Variants in RAPGEF5 observed in about 807,000 individuals in gnomAD.
The protein encoded by RAPGEF5 is M-Ras-regulated GEF.
RAPGEF5 carries 65 observed loss-of-function variants against 125.2 expected under a neutral mutation model. That is an observed-to-expected ratio of 0.52 (90% CI 0.43 to 0.64). The LOEUF is 0.64. Ranked by LOEUF, RAPGEF5 falls within the 30% of genes least tolerant of loss-of-function variation. RAPGEF5 has a pLI of 0.00. For synonymous variants in RAPGEF5, 391 were observed against 385.9 expected (o/e 1.01, Z -0.16); for missense variants, 958 against 1,048.1 (o/e 0.91, Z 1.19).
chr7:22,264,273 G>A (rs1032107349), intron 7 of RAPGEF5, among the ~76,000 whole-genome samples: 1 of 152,078 alleles, frequency 6.6e-6, no homozygotes, highest in Non-Finnish European at 1.5e-5. Context: ...CTGAACAACT[G>A]CTTTCCTGAA....
intron 4 of RAPGEF5, among the ~76,000 whole-genome samples, chr7:22,309,436 C>A (rs540202286): frequency 5.7e-4 from 87 of 152,306 alleles, no homozygotes; most frequent in African/African-American, 2.0e-3. Flanking sequence ...GTTTCTAATC[C>A]TTCAGTTCTC....
At chr7:22,284,968 G>A (rs974254035) in intron 6 of RAPGEF5, among the ~76,000 whole-genome samples, 2 of 152,136 alleles carry the variant, frequency 1.3e-5, no homozygotes, top group Admixed American at 6.5e-5. Context: ...TAAAATGATT[G>A]TAAGTCAAAA....
chr7:22,216,050 G>C (rs1181161265), intron 9 of RAPGEF5, among the ~76,000 whole-genome samples: 1 of 152,144 alleles, frequency 6.6e-6, no homozygotes. Flanking sequence ...ATCCCCCATT[G>C]CTAGTCACTG....
intron 21 of RAPGEF5, chr7:22,139,791 C>T: frequency 2.4e-6 from 1 of 423,864 alleles, no homozygotes; most frequent in East Asian, 4.3e-5. Flanking sequence ...GAGCACTGCA[C>T]TATCAGGCAG....
At chr7:22,261,891 T>C (rs939861471) in intron 7 of RAPGEF5, among the ~76,000 whole-genome samples, 1 of 151,836 alleles carries the variant, frequency 6.6e-6, no homozygotes. Flanking sequence ...TCTCATACCT[T>C]ATATCAAAAC....
At chr7:22,346,403 C>A (rs953136757) in intron 1 of RAPGEF5, among the ~76,000 whole-genome samples, 1 of 152,058 alleles carries the variant, frequency 6.6e-6, no homozygotes, top group Non-Finnish European at 1.5e-5. Flanking sequence ...AATTTTTTTG[C>A]AGATTTCATT....
intron 2 of RAPGEF5, 102 bp from the exon 3 acceptor site, chr7:22,315,578 TTC>T: frequency 3.1e-6 from 2 of 649,612 alleles, no homozygotes; most frequent in Non-Finnish European, 3.9e-6. Flanking sequence ...TTTATATATA[TTC>T]ATATATTTAT....
intron 9 of RAPGEF5, among the ~76,000 whole-genome samples, chr7:22,195,533 C>T (rs999204469): frequency 2.6e-5 from 4 of 152,184 alleles, no homozygotes; most frequent in East Asian, 1.9e-4. Flanking sequence ...AGGTCAGACG[C>T]GTGCAGTTAC....
intron 1 of RAPGEF5, among the ~76,000 whole-genome samples, chr7:22,339,503 TGCAA>T (rs1784088039): frequency 6.6e-6 from 1 of 152,148 alleles, no homozygotes. Flanking sequence ...CAGCAAAAGC[TGCAA>T]TAACCATCCT....
intron 7 of RAPGEF5, among the ~76,000 whole-genome samples, chr7:22,254,454 A>T (rs1170848132): frequency 6.6e-6 from 1 of 151,882 alleles, no homozygotes; most frequent in Non-Finnish European, 1.5e-5. Flanking sequence ...ACTGAAAAAA[A>T]AAAATTAGCC....
intron 7 of RAPGEF5, among the ~76,000 whole-genome samples, chr7:22,256,159 T>C (rs963818085): frequency 6.6e-6 from 1 of 152,196 alleles, no homozygotes; most frequent in Admixed American, 6.5e-5. Context: ...ATTCTCCTGC[T>C]GCTCCAGAGG....
intron 6 of RAPGEF5, among the ~76,000 whole-genome samples, chr7:22,277,197 A>ACC: frequency 6.6e-6 from 1 of 152,324 alleles, no homozygotes; most frequent in South Asian, 2.1e-4. Flanking sequence ...TTATAAATGT[A>ACC]TGAAGGACAG....
intron 7 of RAPGEF5, among the ~76,000 whole-genome samples, chr7:22,253,876 A>G (rs1039397054): frequency 3.9e-5 from 6 of 152,228 alleles, no homozygotes; most frequent in Non-Finnish European, 8.8e-5. Flanking sequence ...AAAGTCTAAT[A>G]TGGTGCTACG....
intron 8 of RAPGEF5, among the ~76,000 whole-genome samples, chr7:22,224,835 CTTTTTTT>C (rs61426791): frequency 7.1e-6 from 1 of 140,072 alleles, no homozygotes; most frequent in Non-Finnish European, 1.6e-5. Context: ...TTTTGGTTTT[CTTTTTTT>C]TTTTTTTTTA....
At chr7:22,282,502 A>C (rs1782696006) in intron 6 of RAPGEF5, among the ~76,000 whole-genome samples, 1 of 152,228 alleles carries the variant, frequency 6.6e-6, no homozygotes, top group Non-Finnish European at 1.5e-5. Context: ...AGTAAATATA[A>C]AATGTTTTAA....
intron 1 of RAPGEF5, among the ~76,000 whole-genome samples, chr7:22,355,027 G>A (rs1318231002): frequency 6.6e-6 from 1 of 152,142 alleles, no homozygotes; most frequent in Non-Finnish European, 1.5e-5. Flanking sequence ...CAGAAGAAAG[G>A]GGAAATAAAC....
At chr7:22,356,008 G>A (rs1583601677) in intron 1 of RAPGEF5, 3 of 985,456 alleles carry the variant, frequency 3.0e-6, no homozygotes, top group Non-Finnish European at 1.2e-6. Context: ...GGTGAGCAGG[G>A]AAATCTGAGT....
At chr7:22,217,337 T>A (rs1006558725) in intron 9 of RAPGEF5, among the ~76,000 whole-genome samples, 2 of 152,164 alleles carry the variant, frequency 1.3e-5, no homozygotes, top group Non-Finnish European at 2.9e-5. Context: ...TGAGTTTCTA[T>A]GAAGAGCAGA....
chr7:22,130,589 G>A (rs1024052827), intron 24 of RAPGEF5, among the ~76,000 whole-genome samples: 5 of 152,160 alleles, frequency 3.3e-5, no homozygotes, highest in African/African-American at 1.2e-4. Flanking sequence ...AGTCCTGAGA[G>A]ACAAACATAT....
Sources: gnomAD v4.1 joint callset for allele counts (sites outside exome capture counted in the v4.1 genomes callset) on GRCh38, gnomAD v4.1.1 for gene constraint, MANE v1.5 for transcripts, NCBI Gene and HGNC (gene_info 2026-07-23, HGNC 2026-07-21) for gene names.